The following AKNA variants were observed in gnomAD, a reference collection of about 807,000 sequenced individuals.
AKNA encodes the protein microtubule organization protein AKNA.
A neutral mutation model predicts 138.8 loss-of-function variants in AKNA; 67 were observed. The observed-to-expected ratio is 0.48, with a 90% CI of 0.40 to 0.59. The LOEUF is 0.59. Among genes scored for constraint, AKNA ranks in the 20% least tolerant of loss-of-function variants. The pLI, the probability that AKNA is intolerant of heterozygous loss-of-function variation, is 0.00. For missense variants in AKNA, 1,813 were observed against 1,880.4 expected (o/e 0.96, Z 0.66); for synonymous variants, 737 against 754.4 (o/e 0.98, Z 0.38).
chr9:114,353,581 A>G (rs1831283580), intron 14 of AKNA, among the ~76,000 whole-genome samples: 2 of 152,170 alleles, frequency 1.3e-5, no homozygotes, highest in African/African-American at 4.8e-5. Flanking sequence ...TGTTTTAAGT[A>G]TAGTCACGCA....
chr9:114,386,574 T>A (rs1269927895), intron 1 of AKNA, among the ~76,000 whole-genome samples: 1 of 152,094 alleles, frequency 6.6e-6, no homozygotes, highest in Non-Finnish European at 1.5e-5. Context: ...TGGGGAGGGC[T>A]ATGGAGTTCA....
intron 3 of AKNA, 38 bp from the exon 4 acceptor site, chr9:114,374,205 C>T: frequency 6.5e-7 from 1 of 1,542,404 alleles, no homozygotes; most frequent in South Asian, 1.2e-5. Flanking sequence ...CATGCGCAGG[C>T]ACACAATGAA....
At chr9:114,340,996 A>C (rs1161251558) in intron 21 of AKNA, among the ~76,000 whole-genome samples, 1 of 152,222 alleles carries the variant, frequency 6.6e-6, no homozygotes, top group Non-Finnish European at 1.5e-5. Flanking sequence ...TCAGTTACCA[A>C]TAATGTATGG....
At chr9:114,383,025 A>AGTGAGGC in intron 1 of AKNA, 1 of 419,246 alleles carries the variant, frequency 2.4e-6, no homozygotes, top group Non-Finnish European at 4.8e-6. Flanking sequence ...CCGAGTGAGG[A>AGTGAGGC]GTGAGGCGAG....
chr9:114,374,235 C>A (rs1833006422), intron 3 of AKNA, 68 bp from the exon 4 acceptor site: 1 of 1,454,648 alleles, frequency 6.9e-7, no homozygotes, highest in Admixed American at 2.0e-5. Context: ...GCTGGGAGAC[C>A]CTGATAGCAA....
chr9:114,369,896 G>GTCA (rs1325056530), intron 4 of AKNA, among the ~76,000 whole-genome samples: 1 of 151,896 alleles, frequency 6.6e-6, no homozygotes, highest in Admixed American at 6.6e-5. Context: ...AACCATCACC[G>GTCA]TCATCATCGT....
chr9:114,380,981 C>CAAA (rs34055519), intron 2 of AKNA, 79 bp downstream of exon 2: 356 of 1,109,312 alleles, frequency 3.2e-4, no homozygotes, highest in South Asian at 7.4e-4. Flanking sequence ...GACTCTGTCT[C>CAAA]AAAAAAAAAA....
At position 114,336,881 on chromosome 9, in the gene AKNA, C is replaced by A. The variant is rs368320298; in HGVS notation, c.*173G>T. On this transcript the variant is annotated 3_prime_UTR_variant, in exon 22 of 22. Coordinates refer to ENST00000374088, the MANE Select transcript of AKNA (RefSeq NM_001317950.2). ...ACTTCTCTTGGTGACCGAGCTGACA[C>A]CCCCTCCACTTGGAAAGCACAGGGA... 10 of 762,206 alleles carry A rather than the reference C, an allele frequency of 1.3e-5. No individual in the cohort carries two copies. Among genetic ancestry groups the A allele is most frequent in the Non-Finnish European group, 1.8e-5 (10 of 541,090 alleles). 47.2% of individuals were successfully genotyped at this position (762,206 alleles called of 1,614,324 possible).
Position 114,377,362 on chromosome 9 carries a change from C to T in AKNA, c.445G>A (p.Gly149Ser), listed in dbSNP as rs79864470. 4.1e-5 allele frequency: 66 copies of T among 1,613,912 alleles called. No individual in the cohort carries two copies. In the East Asian group the frequency reaches 1.4e-3, roughly 35 times the overall value. Residue 149 changes from glycine (G) to serine (S), a missense_variant, in exon 3 of 22, where the codon GGT becomes AGT. Physicochemically the swap from Gly to Ser is moderately conservative, Grantham distance 56. Coordinates refer to ENST00000374088, the MANE Select transcript of AKNA (RefSeq NM_001317950.2). ...TTTCCATGGCCTTCCAAGCTGAGACCAGCCTCATACCCCAACCTTGAGGAG... is the reference window on the plus strand; with the variant it reads ...TTTCCATGGCCTTCCAAGCTGAGACTAGCCTCATACCCCAACCTTGAGGAG... ...ESSSRLGYEA[G>S]LSLEGHGNTS...
At position 114,356,023 on chromosome 9, in the gene AKNA, G is replaced by A. The variant is rs369140294; in HGVS notation, c.2960C>T (p.Pro987Leu). Reference sequence around the variant, plus strand: ...GAGGTACCTCTGTGCTTGGCTCCGGGGTGTGCTGGGCTCTGTGGCTCTTCT... The same window carrying A: ...GAGGTACCTCTGTGCTTGGCTCCGGAGTGTGCTGGGCTCTGTGGCTCTTCT... ...IPRRATEPST[P>L]RSQAQRYLSS... Residue 987 changes from proline (P) to leucine (L), a missense_variant, in exon 14 of 22, where the codon CCC becomes CTC. Pro to Leu is a moderately conservative substitution (Grantham distance 98). Transcript: ENST00000374088. The A allele has an allele frequency of 1.9e-6, 3 of 1,614,024 alleles. No homozygotes were observed. Among genetic ancestry groups the A allele is most frequent in the Non-Finnish European group, 2.5e-6 (3 of 1,180,038 alleles).
At chr9:114,382,781 TC>T (rs1267749980) in intron 1 of AKNA, among the ~76,000 whole-genome samples, 1 of 151,980 alleles carries the variant, frequency 6.6e-6, no homozygotes, top group Non-Finnish European at 1.5e-5. Context: ...GCAAGGTAAC[TC>T]CTTGGAGAGT....
intron 2 of AKNA, 77 bp from the exon 3 acceptor site, chr9:114,377,609 A>G (rs1833340946): frequency 1.4e-6 from 2 of 1,389,212 alleles, no homozygotes; most frequent in Non-Finnish European, 1.9e-6. Flanking sequence ...AGTCACTTCA[A>G]CTCTCTGGCT....
At chr9:114,357,037 A>G (rs1831550490) in intron 12 of AKNA, 68 bp from the exon 13 acceptor site, 1 of 1,422,130 alleles carries the variant, frequency 7.0e-7, no homozygotes, top group South Asian at 1.3e-5. Context: ...CCCTTCCCAA[A>G]TCGTGGCCTG....
chr9:114,352,585 A>C (rs1286087583), intron 14 of AKNA, among the ~76,000 whole-genome samples: 1 of 151,202 alleles, frequency 6.6e-6, no homozygotes, highest in Admixed American at 6.6e-5. Context: ...GGACAGAGTG[A>C]GACTCCATCT....
At chr9:114,366,728 G>C (rs145188653) in intron 6 of AKNA, among the ~76,000 whole-genome samples, 1 of 151,488 alleles carries the variant, frequency 6.6e-6, no homozygotes, top group Non-Finnish European at 1.5e-5. Context: ...GAAGAGGAGA[G>C]GGGAAGGGAG....
At position 114,341,648 on chromosome 9, in the gene AKNA, AC is replaced by A. The variant is rs1387888034; in HGVS notation, c.3951del (p.Ser1318ArgfsTer78). ...SPKQRSKQAG[S>X]SPRPPPGLWY... is the part of the protein sequence containing the mutation. ...CACAGTCCGGGGGGTGGGCGTGGCG[AC>A]GACCCCGCCTGCTTGCTCCTCTGCT... is the stretch of plus-strand genomic sequence containing the variant. On this transcript the variant is annotated frameshift_variant, in exon 21 of 22. Coordinates refer to ENST00000374088, the MANE Select transcript of AKNA (RefSeq NM_001317950.2). LOFTEE classifies it high-confidence loss of function. 1 of 1,610,146 alleles carries A rather than the reference AC, an allele frequency of 6.2e-7. No individual in the cohort carries two copies. Among genetic ancestry groups the A allele is most frequent in the South Asian group, 1.1e-5 (1 of 90,724 alleles).
rs1830651784 is a variant in AKNA, at chr9:114,345,950, C to T, written c.3574G>A (p.Asp1192Asn). ...CCATCCCGAGCTGCCTGTGGACTGT[C>T]CTTGGTGGTCTTGCTCTTCTCAGAG... ...LFSEKSKTTK[D>N]SPQAARDGKR... Residue 1192 changes from aspartate (D) to asparagine (N), a missense_variant, in exon 18 of 22, where the codon GAC becomes AAC. By Grantham distance (23) the Asp-to-Asn change is conservative. Coordinates refer to ENST00000374088, the MANE Select transcript of AKNA (RefSeq NM_001317950.2). The T allele has an allele frequency of 8.1e-6, 13 of 1,614,076 alleles. No individual in the cohort carries two copies. The highest frequency in any genetic ancestry group is 1.1e-5 in the Non-Finnish European group (13 of 1,180,010).
intron 8 of AKNA, 125 bp downstream of exon 8, chr9:114,362,281 A>G: frequency 7.3e-7 from 1 of 1,368,554 alleles, no homozygotes. Flanking sequence ...TATACTAATT[A>G]GGATAAGATT....
chr9:114,366,130 T>G (rs1040518384), intron 6 of AKNA, among the ~76,000 whole-genome samples: 2 of 151,802 alleles, frequency 1.3e-5, no homozygotes, highest in Non-Finnish European at 2.9e-5. Flanking sequence ...AATACAAAAA[T>G]TAGCCAGGCA....
Sources: allele counts gnomAD v4.1 joint callset (sites outside exome capture counted in the v4.1 genomes callset), GRCh38; gene constraint gnomAD v4.1.1; transcripts MANE v1.5; gene names NCBI Gene and HGNC (gene_info 2026-07-23, HGNC 2026-07-21).